LRRC20: variants seen among roughly 807,000 people sequenced by gnomAD.
LRRC20 encodes the protein leucine-rich repeat-containing protein 20.
In LRRC20, 11 loss-of-function variants were observed where a neutral mutation model predicts 14.4. The observed-to-expected ratio is 0.77, with a 90% CI of 0.48 to 1.27. The LOEUF (loss-of-function observed/expected upper bound fraction) is 1.27. Among genes scored for constraint, LRRC20 ranks in the 50% most tolerant of loss-of-function variants. The probability of loss-of-function intolerance (pLI) is 0.00; values close to 1 mark genes in which losing one functional copy is unlikely to be tolerated. For missense variants in LRRC20, 219 were observed against 251.2 expected (o/e 0.87, Z 0.87); for synonymous variants, 121 against 107.3 (o/e 1.13, Z -0.79).
chr10:70,301,348 G>T lies in LRRC20; in HGVS notation c.*6C>A. 2 of 1,611,070 alleles carry T rather than the reference G, an allele frequency of 1.2e-6. No individual in the cohort carries two copies. Among genetic ancestry groups the T allele is most frequent in the Non-Finnish European group, 1.7e-6 (2 of 1,179,096 alleles). On this transcript the variant is annotated 3_prime_UTR_variant, in exon 5 of 5. Transcript: ENST00000446961. ...CCCCTTGCTGGGTGGGCATGAGGAG[G>T]GTGGCCTAAGGTAGGGGGGCTCTTG... is the stretch of plus-strand genomic sequence containing the variant.
At chr10:70,378,648 G>A (rs565462563) in intron 1 of LRRC20, among the ~76,000 whole-genome samples, 4 of 152,068 alleles carry the variant, frequency 2.6e-5, no homozygotes, top group African/African-American at 9.6e-5. Context: ...TTAGCTGGGC[G>A]TGGTGGCGGG....
chr10:70,336,469 A>G lies in LRRC20; in HGVS notation c.232+4084T>C, dbSNP rs1842729139. Among the ~76,000 whole-genome samples the G allele has an allele frequency of 3.3e-5, 5 of 152,286 alleles. No homozygotes were observed. The South Asian group carries it at 1.0e-3, about 32-fold the overall frequency. Reference sequence around the variant, plus strand: ...GCAATCATTCAGGAAGCTAAACAACAATCCCTATAACAACTGGTCCCAAAT... The same window carrying G: ...GCAATCATTCAGGAAGCTAAACAACGATCCCTATAACAACTGGTCCCAAAT... On this transcript the variant is annotated intron_variant, in intron 3 of 4. Transcript: ENST00000446961.
At chr10:70,340,462 G>C in intron 3 of LRRC20, 91 bp downstream of exon 3, 1 of 1,480,268 alleles carries the variant, frequency 6.8e-7, no homozygotes, top group Non-Finnish European at 9.3e-7. Context: ...GCTGACCAGG[G>C]ACCAGCTCTG....
intron 3 of LRRC20, among the ~76,000 whole-genome samples, chr10:70,337,016 T>C (rs995500380): frequency 3.3e-5 from 5 of 152,094 alleles, no homozygotes; most frequent in Admixed American, 2.6e-4. Flanking sequence ...TTTCCTTCCA[T>C]AAAATGGATG....
intron 4 of LRRC20, among the ~76,000 whole-genome samples, chr10:70,318,059 G>A (rs1329676202): frequency 6.6e-6 from 1 of 152,204 alleles, no homozygotes; most frequent in African/African-American, 2.4e-5. Flanking sequence ...TTCTTGCTCA[G>A]GTGCAGATTC....
At chr10:70,347,830 A>AC (rs1317412000) in intron 2 of LRRC20, among the ~76,000 whole-genome samples, 1 of 151,006 alleles carries the variant, frequency 6.6e-6, no homozygotes, top group East Asian at 2.0e-4. Flanking sequence ...AAAAAAAAAA[A>AC]AAACCCAAAA....
chr10:70,319,170 AG>A (rs1378872220), intron 4 of LRRC20, among the ~76,000 whole-genome samples: 2 of 115,194 alleles, frequency 1.7e-5, no homozygotes, highest in Non-Finnish European at 3.9e-5. Flanking sequence ...GTGGGTGTAT[AG>A]GGAAAAAAAA....
chr10:70,348,484 A>T (rs1179297822), intron 2 of LRRC20, among the ~76,000 whole-genome samples: 1 of 152,220 alleles, frequency 6.6e-6, no homozygotes. Flanking sequence ...ACTATTTCAC[A>T]TGTGCTATGT....
chr10:70,320,870 C>T (rs1429720902), intron 4 of LRRC20, among the ~76,000 whole-genome samples: 1 of 152,222 alleles, frequency 6.6e-6, no homozygotes, highest in Non-Finnish European at 1.5e-5. Flanking sequence ...CCAGACCTCC[C>T]TCCTTCTCTT....
chr10:70,345,481 T>C (rs1055673578), intron 2 of LRRC20, among the ~76,000 whole-genome samples: 7 of 151,696 alleles, frequency 4.6e-5, no homozygotes, highest in Middle Eastern at 3.4e-3. Flanking sequence ...ATTAAAAAAA[T>C]ATAAAACACT....
At chr10:70,322,034 G>C (rs1842100570) in intron 4 of LRRC20, among the ~76,000 whole-genome samples, 1 of 152,248 alleles carries the variant, frequency 6.6e-6, no homozygotes. Flanking sequence ...GAAGGACCAG[G>C]AGATCTGGGC....
At chr10:70,313,532 A>T (rs969579252) in intron 4 of LRRC20, among the ~76,000 whole-genome samples, 18 of 151,768 alleles carry the variant, frequency 1.2e-4, no homozygotes, top group Non-Finnish European at 4.4e-5. Flanking sequence ...GACATAGCTG[A>T]CTCCATCTTG....
intron 2 of LRRC20, among the ~76,000 whole-genome samples, chr10:70,342,613 G>C (rs947619058): frequency 1.3e-5 from 2 of 152,202 alleles, no homozygotes; most frequent in Admixed American, 6.5e-5. Context: ...GCCTAGCAGA[G>C]CTGTTGGGAA....
intron 2 of LRRC20, among the ~76,000 whole-genome samples, chr10:70,354,819 GCTT>G (rs1843462448): frequency 6.6e-6 from 1 of 152,180 alleles, no homozygotes; most frequent in Non-Finnish European, 1.5e-5. Context: ...CTTTGTTCAT[GCTT>G]CTGGTACTCA....
chr10:70,324,954 G>A (rs933279995), intron 3 of LRRC20, among the ~76,000 whole-genome samples: 1 of 152,138 alleles, frequency 6.6e-6, no homozygotes, highest in Non-Finnish European at 1.5e-5. Flanking sequence ...CTGTCTCTAG[G>A]GCTGTGAGAG....
chr10:70,308,112 G>A (rs1214139039), intron 4 of LRRC20, among the ~76,000 whole-genome samples: 1 of 152,162 alleles, frequency 6.6e-6, no homozygotes, highest in African/African-American at 2.4e-5. Flanking sequence ...GGCTCCCGGA[G>A]CCCCTCACCA....
At chr10:70,368,952 C>T (rs1400407688) in intron 2 of LRRC20, among the ~76,000 whole-genome samples, 1 of 152,182 alleles carries the variant, frequency 6.6e-6, no homozygotes, top group Non-Finnish European at 1.5e-5. Context: ...AGTACTCCTA[C>T]AATCCTGATG....
chr10:70,367,999 T>TTATG (rs1844094441), intron 2 of LRRC20, among the ~76,000 whole-genome samples: 25 of 145,990 alleles, frequency 1.7e-4, no homozygotes, highest in Non-Finnish European at 2.3e-4. Context: ...TATGTTATTT[T>TTATG]TTGAGATGGA....
intron 2 of LRRC20, among the ~76,000 whole-genome samples, chr10:70,366,240 T>C (rs1270625606): frequency 6.6e-6 from 1 of 151,068 alleles, no homozygotes. Flanking sequence ...CTGGCCAACA[T>C]AGTGAAACCC....
Sources: allele counts gnomAD v4.1 joint callset (sites outside exome capture counted in the v4.1 genomes callset), GRCh38; gene constraint gnomAD v4.1.1; transcripts MANE v1.5; gene names NCBI Gene and HGNC (gene_info 2026-07-23, HGNC 2026-07-21).